The following RASAL2 variants were observed in gnomAD, a reference collection of about 807,000 sequenced individuals.
The protein encoded by RASAL2 is ras GTPase-activating protein nGAP.
RASAL2 carries 58 observed loss-of-function variants against 128.9 expected under a neutral mutation model. The ratio of observed to expected loss-of-function variants is 0.45; its 90% CI spans 0.36 to 0.56. The LOEUF (loss-of-function observed/expected upper bound fraction) is 0.56, where lower values mean the gene tolerates loss of function less well. Ranked by LOEUF, RASAL2 falls within the 20% of genes least tolerant of loss-of-function variation. The probability of loss-of-function intolerance (pLI) is 0.00; values close to 1 mark genes in which losing one functional copy is unlikely to be tolerated. For synonymous variants in RASAL2, 561 were observed against 580.8 expected (o/e 0.97, Z 0.49); for missense variants, 1,360 against 1,601.6 (o/e 0.85, Z 2.57).
chr1:178,422,080 A>G (rs868248386), intron 5 of RASAL2, among the ~76,000 whole-genome samples: 2 of 152,132 alleles, frequency 1.3e-5, no homozygotes, highest in East Asian at 1.9e-4. Flanking sequence ...TCAATAGGCA[A>G]TTTCTTAAAC....
intron 1 of RASAL2, among the ~76,000 whole-genome samples, chr1:178,256,074 A>G (rs929818834): frequency 1.3e-5 from 2 of 152,328 alleles, no homozygotes; most frequent in Admixed American, 1.3e-4. Context: ...AGTAACAACA[A>G]AGGAATCCTC....
intron 1 of RASAL2, among the ~76,000 whole-genome samples, chr1:178,186,554 G>C (rs1440474277): frequency 6.6e-6 from 1 of 152,042 alleles, no homozygotes; most frequent in Non-Finnish European, 1.5e-5. Context: ...TTAAAGTCTT[G>C]TTCCATCATC....
At chr1:178,330,576 G>C (rs1299687788) in intron 3 of RASAL2, among the ~76,000 whole-genome samples, 1 of 152,134 alleles carries the variant, frequency 6.6e-6, no homozygotes, top group Non-Finnish European at 1.5e-5. Flanking sequence ...GCAGTGGGCT[G>C]TAGTCTGGGT....
At chr1:178,247,355 C>T (rs979749314) in intron 1 of RASAL2, among the ~76,000 whole-genome samples, 1 of 151,922 alleles carries the variant, frequency 6.6e-6, no homozygotes, top group African/African-American at 2.4e-5. Context: ...TTTTTGCATA[C>T]AGGTGTTTAT....
At chr1:178,408,612 G>GTTTTTTTT (rs756656921) in intron 4 of RASAL2, among the ~76,000 whole-genome samples, 1 of 142,556 alleles carries the variant, frequency 7.0e-6, no homozygotes, top group African/African-American at 2.9e-5. Context: ...GTTTTTTTTT[G>GTTTTTTTT]TTTTTTGTTT....
At chr1:178,114,776 C>T (rs1477128423) in intron 1 of RASAL2, among the ~76,000 whole-genome samples, 1 of 152,192 alleles carries the variant, frequency 6.6e-6, no homozygotes, top group Non-Finnish European at 1.5e-5. Flanking sequence ...CCCGCCTTGG[C>T]CTCCCAAAGG....
intron 1 of RASAL2, among the ~76,000 whole-genome samples, chr1:178,258,354 T>G (rs1171560387): frequency 6.7e-6 from 1 of 149,890 alleles, no homozygotes; most frequent in East Asian, 1.9e-4. Flanking sequence ...AAGAAAAAAT[T>G]TGCAAATTAA....
chr1:178,404,684 A>ATT (rs61625303), intron 4 of RASAL2, among the ~76,000 whole-genome samples: 11 of 110,344 alleles, frequency 1.0e-4, no homozygotes, highest in East Asian at 2.6e-4. Context: ...TGGCCCCCCA[A>ATT]TTTTTTTTTT....
chr1:178,277,239 ATGT>A (rs1467910128), intron 1 of RASAL2, among the ~76,000 whole-genome samples: 1 of 151,914 alleles, frequency 6.6e-6, no homozygotes, highest in African/African-American at 2.4e-5. Context: ...TGTTGTGAAC[ATGT>A]TGATGAAAAG....
intron 3 of RASAL2, among the ~76,000 whole-genome samples, chr1:178,383,043 G>A (rs145658647): frequency 1.3e-3 from 204 of 152,102 alleles, no homozygotes; most frequent in African/African-American, 4.7e-3. Flanking sequence ...AGATTCCTTG[G>A]CTGGGGAAAA....
intron 1 of RASAL2, among the ~76,000 whole-genome samples, chr1:178,153,090 ATTCT>A (rs1660967565): frequency 6.6e-6 from 1 of 152,096 alleles, no homozygotes; most frequent in African/African-American, 2.4e-5. Context: ...TAATTTATAG[ATTCT>A]TTCTCTCTCC....
intron 1 of RASAL2, among the ~76,000 whole-genome samples, chr1:178,105,507 T>C (rs1219342197): frequency 6.6e-6 from 1 of 152,184 alleles, no homozygotes; most frequent in African/African-American, 2.4e-5. Flanking sequence ...TGGAGGTTTG[T>C]AGGAAAATTT....
intron 1 of RASAL2, among the ~76,000 whole-genome samples, chr1:178,171,844 T>G (rs1287701860): frequency 2.6e-5 from 4 of 151,988 alleles, no homozygotes; most frequent in Non-Finnish European, 5.9e-5. Context: ...CTTACTTGGG[T>G]CTGTCATTCA....
At chr1:178,135,891 C>T (rs763000747) in intron 1 of RASAL2, among the ~76,000 whole-genome samples, 10 of 152,142 alleles carry the variant, frequency 6.6e-5, no homozygotes, top group Non-Finnish European at 1.2e-4. Flanking sequence ...TTCACTAACA[C>T]GAGAACAGTA....
intron 1 of RASAL2, among the ~76,000 whole-genome samples, chr1:178,251,647 A>C (rs541153378): frequency 6.6e-6 from 1 of 152,326 alleles, no homozygotes; most frequent in East Asian, 1.9e-4. Flanking sequence ...TTGAAAGATC[A>C]TGTAGCCTGT....
At chr1:178,456,658 A>G (rs1298254295) in intron 12 of RASAL2, 63 bp from the exon 13 acceptor site, 2 of 1,580,842 alleles carry the variant, frequency 1.3e-6, no homozygotes, top group African/African-American at 2.7e-5. Flanking sequence ...TTGTGCCAAA[A>G]ACAATCTGTG....
chr1:178,275,367 A>G (rs1666452477), intron 1 of RASAL2, among the ~76,000 whole-genome samples: 1 of 152,256 alleles, frequency 6.6e-6, no homozygotes, highest in African/African-American at 2.4e-5. Context: ...CTTCAAGTGC[A>G]TATTTAAGAA....
intron 1 of RASAL2, among the ~76,000 whole-genome samples, chr1:178,173,597 A>T (rs1230231207): frequency 1.3e-5 from 2 of 152,088 alleles, no homozygotes; most frequent in Non-Finnish European, 2.9e-5. Context: ...GCCTAAGGTC[A>T]TGATGGAGTC....
Position 178,474,637 on chromosome 1 carries a change from C to G in RASAL2, c.*1398C>G, listed in dbSNP as rs1648544953. ...TGTGCAATGTCATCTTGAATGCAACCTTGATTACCAGAAGTATGGAAGGTT... is the reference window on the plus strand; with the variant it reads ...TGTGCAATGTCATCTTGAATGCAACGTTGATTACCAGAAGTATGGAAGGTT... On this transcript the variant is annotated 3_prime_UTR_variant, in exon 18 of 18. Coordinates refer to ENST00000367649, the MANE Select transcript of RASAL2 (RefSeq NM_170692.4). The G allele has an allele frequency of 6.6e-6, 1 of 151,692 alleles. No homozygotes were observed. Among genetic ancestry groups the G allele is most frequent in the African/African-American group, 2.4e-5 (1 of 41,310 alleles). The allele number at this position is 151,692 out of a possible 1,614,324, so 9.4% of individuals were successfully genotyped here. A position where few individuals can be genotyped will look rare whatever the true frequency, so the allele number is the denominator to read the frequency against.
Sources: gnomAD v4.1 joint callset for allele counts (sites outside exome capture counted in the v4.1 genomes callset) on GRCh38, gnomAD v4.1.1 for gene constraint, MANE v1.5 for transcripts, NCBI Gene and HGNC (gene_info 2026-07-23, HGNC 2026-07-21) for gene names.